The following CEP97 variants were observed in gnomAD, a reference collection of about 807,000 sequenced individuals.
The protein encoded by CEP97 is centrosomal protein 97.
In CEP97, 43 loss-of-function variants were observed where a neutral mutation model predicts 73.1. That is an observed-to-expected ratio of 0.59 (90% CI 0.46 to 0.76). The LOEUF (loss-of-function observed/expected upper bound fraction) is 0.76, where lower values mean the gene tolerates loss of function less well. Ranked by LOEUF, CEP97 falls within the 30% of genes least tolerant of loss-of-function variation. The pLI, the probability that CEP97 is intolerant of heterozygous loss-of-function variation, is 0.00. For synonymous variants in CEP97, 337 were observed against 370.0 expected (o/e 0.91, Z 1.02); for missense variants, 939 against 1,014.0 (o/e 0.93, Z 1.00).
At chr3:101,725,999 C>T (rs935846475) in intron 1 of CEP97, among the ~76,000 whole-genome samples, 8 of 151,888 alleles carry the variant, frequency 5.3e-5, no homozygotes, top group Non-Finnish European at 4.4e-5. Flanking sequence ...TAATATACCA[C>T]AATGGTTAAT....
chr3:101,729,392 T>G (rs562256738), intron 4 of CEP97, among the ~76,000 whole-genome samples: 21 of 152,246 alleles, frequency 1.4e-4, no homozygotes, highest in Non-Finnish European at 2.8e-4. Flanking sequence ...TGAAACTTTT[T>G]GTTGTTAGTT....
Position 101,758,618 on chromosome 3 carries a change from A to G in CEP97, c.1817+195A>G, listed in dbSNP as rs540693571. ...CTATCTGCTCTATCTCCTCATCTCC[A>G]TCCCCAGCAAAGCACTTGATACATA... is the stretch of plus-strand genomic sequence containing the variant. On this transcript the variant is annotated intron_variant, in intron 9 of 10. Transcript: ENST00000341893. 3 of 616,756 alleles carry G rather than the reference A, an allele frequency of 4.9e-6. No individual in the cohort carries two copies. The East Asian group carries it at 8.5e-5, about 17-fold the overall frequency. 38.2% of individuals were successfully genotyped at this position (616,756 alleles called of 1,614,324 possible).
intron 4 of CEP97, 54 bp from the exon 5 acceptor site, chr3:101,731,786 G>A (rs796995655): frequency 6.0e-6 from 6 of 1,007,194 alleles, no homozygotes; most frequent in South Asian, 5.4e-5. Context: ...GTCACAATAG[G>A]CCAATTTATT....
chr3:101,757,382 A>G (rs1939038946), intron 8 of CEP97, among the ~76,000 whole-genome samples, 186 bp downstream of exon 8: 2 of 152,168 alleles, frequency 1.3e-5, no homozygotes, highest in South Asian at 4.1e-4. Flanking sequence ...TAACTGCTAT[A>G]TTTCTAATTT....
At chr3:101,736,274 C>T (rs1329203480) in intron 6 of CEP97, among the ~76,000 whole-genome samples, 1 of 152,238 alleles carries the variant, frequency 6.6e-6, no homozygotes, top group Admixed American at 6.5e-5. Context: ...GGTGCAGCTT[C>T]AGCAGGCTTA....
chr3:101,732,056 G>T, intron 5 of CEP97, 103 bp downstream of exon 5: 1 of 704,946 alleles, frequency 1.4e-6, no homozygotes, highest in Non-Finnish European at 2.5e-6. Flanking sequence ...CATCTTGGAA[G>T]AAACTGCCAT....
At position 101,731,959 on chromosome 3, in the gene CEP97, AT is replaced by A. The variant is rs1210723651; in HGVS notation, c.561+9del. ...AAATCCGAGACTTAAATGAGGTAAA[AT>A]TTGAGGGTATTTTGTGAGATTCAGG... is the stretch of plus-strand genomic sequence containing the variant. On this transcript the variant is annotated splice_region_variant and intron_variant, in intron 5 of 10. Coordinates refer to ENST00000341893, the MANE Select transcript of CEP97 (RefSeq NM_024548.4). 2 of 1,471,692 alleles carry A rather than the reference AT, an allele frequency of 1.4e-6. No individual in the cohort carries two copies. The highest frequency in any genetic ancestry group is 2.3e-5 in the South Asian group (2 of 87,802). 91.2% of individuals were successfully genotyped at this position (1,471,692 alleles called of 1,614,324 possible).
intron 6 of CEP97, among the ~76,000 whole-genome samples, chr3:101,746,137 T>C (rs1011657170): frequency 2.4e-4 from 37 of 152,364 alleles, no homozygotes; most frequent in African/African-American, 7.9e-4. Flanking sequence ...TGCCACATTT[T>C]CTTAATCCAG....
chr3:101,762,501 G>A lies in CEP97; in HGVS notation c.1834G>A (p.Asp612Asn). 6.2e-7 allele frequency: 1 copy of A among 1,608,920 alleles called. No homozygotes were observed. Among genetic ancestry groups the A allele is most frequent in the Non-Finnish European group, 8.5e-7 (1 of 1,176,856 alleles). ...TTATTGTAGATTACGAAAAGAAAGA[G>A]ATGAAGAACGTATTAAAAAATTTGT... ...DEIRRLRKER[D>N]EERIKKFVQE... The change falls in exon 10 of 11, where the codon GAT becomes AAT. Residue 612 changes from aspartate to asparagine, a missense_variant. Coordinates refer to ENST00000341893, the MANE Select transcript of CEP97 (RefSeq NM_024548.4).
intron 5 of CEP97, 74 bp downstream of exon 5, chr3:101,732,027 C>T: frequency 1.2e-6 from 1 of 863,168 alleles, no homozygotes; most frequent in Non-Finnish European, 1.9e-6. Context: ...GGGTTGTGAG[C>T]TTACTTTTAG....
chr3:101,762,657 T>A, intron 10 of CEP97, 97 bp downstream of exon 10: 1 of 850,642 alleles, frequency 1.2e-6, no homozygotes, highest in Non-Finnish European at 1.8e-6. Context: ...TTAAGCACTC[T>A]TGTTCAAGGT....
rs181297781 is a variant in CEP97, at chr3:101,724,850, G to A, written c.43+131G>A. The A allele has an allele frequency of 1.0e-4, 94 of 943,508 alleles. No individual in the cohort carries two copies. In the East Asian group the frequency reaches 2.4e-3, roughly 24 times the overall value. The allele number at this position is 943,508 out of a possible 1,614,324, so 58.4% of individuals were successfully genotyped here. ...TTTGATGCGGATCTGTGGTCGTCGCGGAGGCGGGCTACCCTCTGGGAGTTG... is the reference window on the plus strand; with the variant it reads ...TTTGATGCGGATCTGTGGTCGTCGCAGAGGCGGGCTACCCTCTGGGAGTTG... On this transcript the variant is annotated intron_variant, in intron 1 of 10. Coordinates refer to ENST00000341893, the MANE Select transcript of CEP97 (RefSeq NM_024548.4).
intron 6 of CEP97, among the ~76,000 whole-genome samples, chr3:101,733,915 C>T (rs1938197470): frequency 6.6e-6 from 1 of 152,158 alleles, no homozygotes; most frequent in Non-Finnish European, 1.5e-5. Context: ...CAACCTCCAC[C>T]TCCTGGGTTC....
chr3:101,729,025 G>T lies in CEP97; in HGVS notation c.447+88G>T. On this transcript the variant is annotated intron_variant, in intron 4 of 10. Transcript: ENST00000341893. ...TACTGACCTAAAATTAGCCTGCTTT[G>T]TATGAGCAGATTGCTTTCTTTATGA... is the stretch of plus-strand genomic sequence containing the variant. The T allele has an allele frequency of 6.6e-6, 5 of 752,050 alleles. No individual in the cohort carries two copies. In the South Asian group the frequency reaches 8.1e-5, roughly 12 times the overall value. 46.6% of individuals were successfully genotyped at this position (752,050 alleles called of 1,614,324 possible). A position where few individuals can be genotyped will look rare whatever the true frequency, so the allele number is the denominator to read the frequency against.
At chr3:101,728,264 T>C (rs1937964949) in intron 3 of CEP97, among the ~76,000 whole-genome samples, 1 of 63,680 alleles carries the variant, frequency 1.6e-5, no homozygotes, top group Non-Finnish European at 3.5e-5. Flanking sequence ...TTTCTTTTGT[T>C]TTTTTTTTTT....
intron 6 of CEP97, among the ~76,000 whole-genome samples, chr3:101,751,259 T>G (rs1232230643): frequency 1.3e-5 from 2 of 152,376 alleles, no homozygotes; most frequent in East Asian, 1.9e-4. Flanking sequence ...CTAGTTTGAT[T>G]GCACTGTGGT....
chr3:101,762,626 A>C, intron 10 of CEP97, 66 bp downstream of exon 10: 1 of 1,252,346 alleles, frequency 8.0e-7, no homozygotes, highest in Non-Finnish European at 1.1e-6. Context: ...CATTGAGATA[A>C]TCATAGAGTA....
At position 101,765,581 on chromosome 3, in the gene CEP97, A is replaced by C. The variant is rs759427281; in HGVS notation, c.*30A>C. 6.5e-7 allele frequency: 1 copy of C among 1,536,234 alleles called. No individual in the cohort carries two copies. The highest frequency in any genetic ancestry group is 1.3e-5 in the South Asian group (1 of 79,544). On this transcript the variant is annotated 3_prime_UTR_variant, in exon 11 of 11. Coordinates refer to ENST00000341893, the MANE Select transcript of CEP97 (RefSeq NM_024548.4). ...TCTTTTGGGAGGCAGATATCCACTT[A>C]ACTTTTCTTAAAAATACTTTCAGTT...
chr3:101,758,418 A>C lies in CEP97; in HGVS notation c.1812A>C (p.Ile604=), dbSNP rs750019569. The C allele has an allele frequency of 1.4e-5, 22 of 1,613,924 alleles. No individual in the cohort carries two copies. Among genetic ancestry groups the C allele is most frequent in the Non-Finnish European group, 1.8e-5 (21 of 1,180,024 alleles). ...ACATTGTCTGCTTAACTGATGAAAT[A>C]AGGAGGTGGGTCAGAAGTCCTTTTG... ...QEHIVCLTDE[I]RRLRKERDEE... is the part of the protein sequence containing the mutation. The change falls in exon 9 of 11, where the codon ATA becomes ATC. Residue 604 remains isoleucine, a synonymous_variant. Transcript: ENST00000341893.
Sources: allele counts gnomAD v4.1 joint callset (sites outside exome capture counted in the v4.1 genomes callset), GRCh38; gene constraint gnomAD v4.1.1; transcripts MANE v1.5; gene names NCBI Gene and HGNC (gene_info 2026-07-23, HGNC 2026-07-21).